Variants in CNST observed in about 807,000 individuals in gnomAD.
CNST encodes the protein consortin, connexin sorting protein.
In CNST, 39 loss-of-function variants were observed where a neutral mutation model predicts 72.4. The observed-to-expected ratio is 0.54, with a 90% CI of 0.42 to 0.70. The LOEUF is 0.70. CNST is among the 30% of genes least tolerant of loss of function. The pLI is 0.00. For missense variants in CNST, 871 were observed against 868.5 expected (o/e 1.00, Z -0.04); for synonymous variants, 332 against 320.1 (o/e 1.04, Z -0.40).
In CNST at chr1:246,634,484, A is replaced by G; in HGVS notation, c.715A>G (p.Lys239Glu). Residue 239 changes from lysine to glutamate, a missense_variant, in exon 6 of 11, where the codon AAA (lysine) becomes GAA (glutamate). Lys to Glu is a moderately conservative substitution (Grantham distance 56). Transcript: ENST00000366513. Reference protein sequence around the residue: ...AIQEQWETKWKTVQPHTVTAL... With the variant: ...AIQEQWETKWETVQPHTVTAL... ...TACTTTAAATTTAGAAACAAAATGG[A>G]AAACTGTGCAACCACATACAGTTAC... 1 of 1,574,604 alleles carries G rather than the reference A, an allele frequency of 6.4e-7. No homozygotes were observed. Among genetic ancestry groups the G allele is most frequent in the Non-Finnish European group, 8.6e-7 (1 of 1,167,392 alleles).
At chr1:246,641,458 T>A (rs1048722223) in intron 6 of CNST, among the ~76,000 whole-genome samples, 4 of 152,238 alleles carry the variant, frequency 2.6e-5, no homozygotes, top group African/African-American at 9.6e-5. Context: ...AAATCGTCTT[T>A]ATTAGCAAAA....
intron 2 of CNST, among the ~76,000 whole-genome samples, chr1:246,609,656 A>G (rs1342765969): frequency 3.9e-5 from 6 of 152,230 alleles, no homozygotes; most frequent in Non-Finnish European, 5.9e-5. Flanking sequence ...AGGATGAAAC[A>G]TGTCAGAAAA....
chr1:246,645,552 C>T (rs1282457132), intron 8 of CNST, among the ~76,000 whole-genome samples: 8 of 151,506 alleles, frequency 5.3e-5, no homozygotes, highest in Admixed American at 5.3e-4. Flanking sequence ...CTCAGCCTCC[C>T]GAGTAGCTGG....
At position 246,584,250 on chromosome 1, in the gene CNST, C is replaced by T. The variant is rs138474611; in HGVS notation, c.-51-7262C>T. On this transcript the variant is annotated intron_variant, in intron 1 of 10. Coordinates refer to ENST00000366513, the MANE Select transcript of CNST (RefSeq NM_152609.3). ...GCTTTCTTGTATAGGTATAAGAATT[C>T]AGTGATGTATCTATGTTAGAAGAAT... Among the ~76,000 whole-genome samples the T allele has an allele frequency of 2.3e-3, 354 of 152,292 alleles. 1 individual carries two copies. Among genetic ancestry groups the T allele is most frequent in the African/African-American group, 7.8e-3 (326 of 41,550 alleles).
At chr1:246,629,078 CTCTT>C (rs1306245663) in intron 3 of CNST, among the ~76,000 whole-genome samples, 1 of 152,146 alleles carries the variant, frequency 6.6e-6, no homozygotes. Flanking sequence ...AACACAATCT[CTCTT>C]TCAATCCTTA....
At position 246,604,810 on chromosome 1, in the gene CNST, AG is replaced by A. The variant is rs534965117; in HGVS notation, c.379+12871del. 1.3e-3 allele frequency among the ~76,000 whole-genome samples: 204 copies of A among 151,796 alleles called. 1 individual carries two copies. The highest frequency in any genetic ancestry group is 4.6e-3 in the African/African-American group (190 of 41,136). ...CAGCCTCCCAAGTAGCTGGGATTAC[AG>A]GCATGCACCACCATGCCTGGCTAAT... On this transcript the variant is annotated intron_variant, in intron 2 of 10. Transcript: ENST00000366513.
At chr1:246,576,917 T>C (rs897535461) in intron 1 of CNST, among the ~76,000 whole-genome samples, 2 of 152,200 alleles carry the variant, frequency 1.3e-5, no homozygotes, top group South Asian at 4.1e-4. Context: ...TAGGAATCCA[T>C]GGGAACTTGG....
rs111765921 is a variant in CNST at position 246,578,313 on chromosome 1, A to G, written c.-52+11650A>G. The stretch of plus-strand genomic sequence containing the variant: ...AAATAAGTTACAGTGCTTTAAAATA[A>G]GCTCTAAAATTATCGTGCTCTAAAA... On this transcript the variant is annotated intron_variant, in intron 1 of 10. Transcript: ENST00000366513. Among the ~76,000 whole-genome samples, 524 of 152,236 alleles carry G rather than the reference A, an allele frequency of 3.4e-3. 7 individuals are homozygous for G. The highest frequency in any genetic ancestry group is 0.011 in the African/African-American group (472 of 41,456).
At chr1:246,636,789 G>A (rs1665286676) in intron 6 of CNST, among the ~76,000 whole-genome samples, 1 of 152,140 alleles carries the variant, frequency 6.6e-6, no homozygotes, top group African/African-American at 2.4e-5. Context: ...CACATTCCTC[G>A]ACTAAGGTTC....
At chr1:246,607,271 T>C (rs1178645788) in intron 2 of CNST, 2 of 151,950 alleles carry the variant, frequency 1.3e-5, no homozygotes, top group Admixed American at 6.6e-5. Context: ...GGGGAAGGTC[T>C]ATCCCATGCC....
intron 4 of CNST, 86 bp downstream of exon 4, chr1:246,632,010 A>G (rs757202339): frequency 2.4e-6 from 2 of 820,118 alleles, no homozygotes; most frequent in Non-Finnish European, 4.1e-6. Flanking sequence ...TTTTACATGT[A>G]ATAGAATGTA....
intron 9 of CNST, among the ~76,000 whole-genome samples, chr1:246,651,475 C>T (rs1323082098): frequency 6.6e-6 from 1 of 152,178 alleles, no homozygotes; most frequent in Admixed American, 6.5e-5. Context: ...ATTGCCCAGC[C>T]TTGGCTCCAG....
chr1:246,619,129 C>T (rs181997702), intron 2 of CNST, among the ~76,000 whole-genome samples: 1 of 148,820 alleles, frequency 6.7e-6, no homozygotes, highest in East Asian at 2.0e-4. Context: ...ATGTCTTGGG[C>T]ATAGTAGTGT....
chr1:246,585,758 A>G (rs1661134729), intron 1 of CNST, among the ~76,000 whole-genome samples: 1 of 151,110 alleles, frequency 6.6e-6, no homozygotes, highest in Non-Finnish European at 1.5e-5. Context: ...GAACAGATAT[A>G]CCTACAGTGG....
At chr1:246,632,796 G>C (rs4316336) in intron 4 of CNST, among the ~76,000 whole-genome samples, 42,424 of 152,084 alleles carry the variant, frequency 0.28, 6,663 homozygotes, top group East Asian at 0.67. Flanking sequence ...TTAATTGAGT[G>C]TTTACAAAAG....
In CNST at chr1:246,578,091, A is replaced by G. The variant is rs143081470; in HGVS notation, c.-52+11428A>G. 4.7e-4 allele frequency among the ~76,000 whole-genome samples: 72 copies of G among 152,208 alleles called. 1 individual carries two copies. The highest frequency in any genetic ancestry group is 1.7e-3 in the African/African-American group (70 of 41,430). ...TTTAGTATTGTAGTTCAATTGAACAAACATTAATTAAACACCGTTCATATG... is the reference window on the plus strand; with the variant it reads ...TTTAGTATTGTAGTTCAATTGAACAGACATTAATTAAACACCGTTCATATG... On this transcript the variant is annotated intron_variant, in intron 1 of 10. Coordinates refer to ENST00000366513, the MANE Select transcript of CNST (RefSeq NM_152609.3).
At chr1:246,664,612 G>A (rs1667295926) in intron 10 of CNST, among the ~76,000 whole-genome samples, 1 of 151,894 alleles carries the variant, frequency 6.6e-6, no homozygotes, top group Non-Finnish European at 1.5e-5. Flanking sequence ...ATTTTTAGTA[G>A]AGACGGGGTT....
At chr1:246,572,675 A>T (rs529005428) in intron 1 of CNST, among the ~76,000 whole-genome samples, 5 of 152,290 alleles carry the variant, frequency 3.3e-5, no homozygotes, top group African/African-American at 1.2e-4. Flanking sequence ...TTTATTGAAT[A>T]ATAAATAGTG....
At chr1:246,638,975 T>C (rs1665494902) in intron 6 of CNST, among the ~76,000 whole-genome samples, 1 of 152,012 alleles carries the variant, frequency 6.6e-6, no homozygotes, top group South Asian at 2.1e-4. Flanking sequence ...TGAGCTAGCA[T>C]GTCTTTGATG....
Sources: gnomAD v4.1 joint callset for allele counts (sites outside exome capture counted in the v4.1 genomes callset) on GRCh38, gnomAD v4.1.1 for gene constraint, MANE v1.5 for transcripts, NCBI Gene and HGNC (gene_info 2026-07-23, HGNC 2026-07-21) for gene names.